TAFA1: variants seen among roughly 807,000 people sequenced by gnomAD.
The protein encoded by TAFA1 is TAFA chemokine like family member 1.
Under a neutral mutation model 18.5 loss-of-function variants are expected in TAFA1, and 4 were observed. That is an observed-to-expected ratio of 0.22 (90% CI 0.11 to 0.49). TAFA1 has a LOEUF of 0.49. Ranked by LOEUF, TAFA1 falls within the 20% of genes least tolerant of loss-of-function variation. TAFA1 has a pLI of 0.98. For synonymous variants in TAFA1, 56 were observed against 55.2 expected (o/e 1.01, Z -0.06); for missense variants, 147 against 169.0 (o/e 0.87, Z 0.72).
chr3:68,271,663 G>A (rs2067672974), intron 2 of TAFA1, among the ~76,000 whole-genome samples: 1 of 152,066 alleles, frequency 6.6e-6, no homozygotes. Context: ...AATCACAAAC[G>A]AGGTGTTTGT....
At chr3:68,379,648 T>C (rs562514869) in intron 2 of TAFA1, among the ~76,000 whole-genome samples, 30 of 152,206 alleles carry the variant, frequency 2.0e-4, no homozygotes, top group African/African-American at 7.2e-4. Flanking sequence ...AAGTCTTTAA[T>C]TTTAAATGTA....
intron 3 of TAFA1, among the ~76,000 whole-genome samples, chr3:68,420,730 C>T (rs763909557): frequency 2.0e-5 from 3 of 152,042 alleles, no homozygotes; most frequent in Non-Finnish European, 2.9e-5. Context: ...CCCAGGACAA[C>T]CCCTGCGCCC....
At chr3:68,020,301 A>C (rs1391290229) in intron 2 of TAFA1, among the ~76,000 whole-genome samples, 1 of 152,098 alleles carries the variant, frequency 6.6e-6, no homozygotes, top group African/African-American at 2.4e-5. Flanking sequence ...GGGACAGGGG[A>C]AACTTGGTAT....
At chr3:68,119,788 G>C (rs893848959) in intron 2 of TAFA1, among the ~76,000 whole-genome samples, 3 of 152,110 alleles carry the variant, frequency 2.0e-5, no homozygotes, top group Non-Finnish European at 4.4e-5. Flanking sequence ...GTTGTAATTA[G>C]TTTGAAACTA....
chr3:68,199,493 T>C (rs1559556005), intron 2 of TAFA1, among the ~76,000 whole-genome samples: 1 of 151,528 alleles, frequency 6.6e-6, no homozygotes, highest in Admixed American at 6.6e-5. Context: ...TTTCCATGAA[T>C]ATGGAATTTT....
chr3:68,501,725 A>T (rs2072662584), intron 3 of TAFA1, among the ~76,000 whole-genome samples: 1 of 152,178 alleles, frequency 6.6e-6, no homozygotes, highest in Non-Finnish European at 1.5e-5. Flanking sequence ...CTATTATTTG[A>T]CCATAGCCAA....
intron 2 of TAFA1, among the ~76,000 whole-genome samples, chr3:68,085,144 A>C (rs1464973475): frequency 6.6e-6 from 1 of 152,218 alleles, no homozygotes; most frequent in African/African-American, 2.4e-5. Context: ...TTTCTCACTT[A>C]ACCCTTTTTA....
chr3:68,296,292 G>A (rs367945238), intron 2 of TAFA1, among the ~76,000 whole-genome samples: 1 of 152,062 alleles, frequency 6.6e-6, no homozygotes, highest in South Asian at 2.1e-4. Context: ...TGTCCACATG[G>A]TATCCTGTTG....
At chr3:68,063,091 T>C (rs190924066) in intron 2 of TAFA1, among the ~76,000 whole-genome samples, 44 of 152,328 alleles carry the variant, frequency 2.9e-4, no homozygotes, top group African/African-American at 9.9e-4. Flanking sequence ...CCTTGCCACG[T>C]AGAAATGCAG....
chr3:68,495,597 A>G (rs1476717643), intron 3 of TAFA1, among the ~76,000 whole-genome samples: 1 of 152,154 alleles, frequency 6.6e-6, no homozygotes, highest in Non-Finnish European at 1.5e-5. Flanking sequence ...TGAAATGTAT[A>G]CAAGATGCGT....
intron 2 of TAFA1, among the ~76,000 whole-genome samples, chr3:68,290,558 AT>A (rs375825205): frequency 9.2e-5 from 14 of 152,132 alleles, no homozygotes; most frequent in African/African-American, 3.4e-4. Flanking sequence ...ACCACATCCC[AT>A]TCAGACCAGG....
At chr3:68,089,344 G>A (rs2065006263) in intron 2 of TAFA1, among the ~76,000 whole-genome samples, 1 of 152,174 alleles carries the variant, frequency 6.6e-6, no homozygotes, top group African/African-American at 2.4e-5. Flanking sequence ...CACACTGGCT[G>A]TTATGTAGCA....
At chr3:68,538,618 G>A in intron 3 of TAFA1, 138 bp from the exon 4 acceptor site, 3 of 714,860 alleles carry the variant, frequency 4.2e-6, no homozygotes, top group South Asian at 4.4e-5. Context: ...TTTTAATAGA[G>A]CTTTCTTAGC....
At chr3:68,387,895 T>C (rs960198763) in intron 2 of TAFA1, among the ~76,000 whole-genome samples, 8 of 152,192 alleles carry the variant, frequency 5.3e-5, no homozygotes, top group African/African-American at 1.9e-4. Context: ...AAAACAATTA[T>C]TATTGTGTTT....
chr3:68,044,252 T>C (rs2106685939), intron 2 of TAFA1, among the ~76,000 whole-genome samples: 1 of 152,380 alleles, frequency 6.6e-6, no homozygotes, highest in South Asian at 2.1e-4. Context: ...ACATTTATTT[T>C]TAATTCTTCT....
intron 2 of TAFA1, among the ~76,000 whole-genome samples, chr3:68,070,482 G>A (rs1450014200): frequency 1.3e-5 from 2 of 152,198 alleles, no homozygotes; most frequent in Non-Finnish European, 2.9e-5. Flanking sequence ...GTGATGGGAC[G>A]GGCTGCCATG....
intron 3 of TAFA1, among the ~76,000 whole-genome samples, chr3:68,440,116 T>C (rs1575868824): frequency 6.7e-6 from 1 of 148,434 alleles, no homozygotes; most frequent in African/African-American, 2.5e-5. Flanking sequence ...GGGTGGGAGG[T>C]GATTGAGTTA....
intron 2 of TAFA1, among the ~76,000 whole-genome samples, chr3:68,167,368 G>A (rs1178615282): frequency 6.6e-6 from 1 of 152,102 alleles, no homozygotes; most frequent in East Asian, 1.9e-4. Context: ...ACGAGGTCAG[G>A]AGATGGAGAC....
chr3:68,255,927 A>G (rs1478227538), intron 2 of TAFA1, among the ~76,000 whole-genome samples: 2 of 152,134 alleles, frequency 1.3e-5, no homozygotes, highest in Admixed American at 6.6e-5. Flanking sequence ...GAATCAATTT[A>G]CTGATAATTT....
Sources: allele counts gnomAD v4.1 joint callset (sites outside exome capture counted in the v4.1 genomes callset), GRCh38; gene constraint gnomAD v4.1.1; transcripts MANE v1.5; gene names NCBI Gene and HGNC (gene_info 2026-07-23, HGNC 2026-07-21).